CCDC15: variants seen among roughly 807,000 people sequenced by gnomAD.
CCDC15 encodes coiled-coil domain containing 15.
CCDC15 carries 105 observed loss-of-function variants against 114.5 expected under a neutral mutation model. The ratio of observed to expected loss-of-function variants is 0.92; its 90% CI spans 0.78 to 1.08. CCDC15 has a LOEUF of 1.08. Ranked by LOEUF, CCDC15 falls within the 50% of genes least tolerant of loss-of-function variation. The pLI is 0.00. For missense variants in CCDC15, 1,105 were observed against 1,093.6 expected, an observed-to-expected ratio of 1.01 and a Z score of -0.15; for synonymous variants, 334 against 377.8, an observed-to-expected ratio of 0.88 and a Z score of 1.34.
At chr11:124,971,439 T>C (rs999469604) in intron 4 of CCDC15, among the ~76,000 whole-genome samples, 5 of 152,268 alleles carry the variant, frequency 3.3e-5, no homozygotes, top group Non-Finnish European at 5.9e-5. Flanking sequence ...CTTTGATGAG[T>C]TGACAGAAGT....
chr11:125,003,951 A>G lies in CCDC15; in HGVS notation c.2299A>G (p.Lys767Glu), dbSNP rs1220121229. 2 of 1,519,706 alleles carry G rather than the reference A, an allele frequency of 1.3e-6. No homozygotes were observed. The highest frequency in any genetic ancestry group is 2.9e-5 in the African/African-American group (2 of 69,966). 94.1% of individuals were successfully genotyped at this position (1,519,706 alleles called of 1,614,324 possible). Residue 767 changes from lysine (K) to glutamate (E), a missense_variant, in exon 12 of 16, where the codon AAG (lysine) becomes GAG (glutamate). Transcript: ENST00000344762. ...FQSDVDKEED[K>E]KERQKQYLRH... Reference sequence around the variant, plus strand: ...GTCTGACGTGGATAAAGAAGAAGATAAGAAAGAGGTATGTAATGATACTGC... The same window carrying G: ...GTCTGACGTGGATAAAGAAGAAGATGAGAAAGAGGTATGTAATGATACTGC...
chr11:125,011,619 ATTATT>A (rs1394071834), intron 13 of CCDC15, among the ~76,000 whole-genome samples: 1 of 152,170 alleles, frequency 6.6e-6, no homozygotes, highest in Non-Finnish European at 1.5e-5. Flanking sequence ...TATTTATTGG[ATTATT>A]TTAAGTGCTT....
chr11:124,979,879 T>C (rs1477637620), intron 6 of CCDC15, among the ~76,000 whole-genome samples: 3 of 152,200 alleles, frequency 2.0e-5, no homozygotes, highest in Non-Finnish European at 4.4e-5. Context: ...GTTTTGCCTA[T>C]TCAGTATGAT....
intron 13 of CCDC15, among the ~76,000 whole-genome samples, chr11:125,028,325 G>A (rs1460499538): frequency 6.6e-6 from 1 of 152,092 alleles, no homozygotes; most frequent in Non-Finnish European, 1.5e-5. Context: ...GATGGGAATT[G>A]CGTTGAATCT....
chr11:125,005,679 C>T (rs1200408080), intron 13 of CCDC15, among the ~76,000 whole-genome samples: 2 of 152,088 alleles, frequency 1.3e-5, no homozygotes, highest in Admixed American at 1.3e-4. Flanking sequence ...AAAGTGCTTT[C>T]ACTTCCCTAA....
intron 4 of CCDC15, among the ~76,000 whole-genome samples, chr11:124,970,588 G>C (rs1411620429): frequency 6.6e-6 from 1 of 152,150 alleles, no homozygotes; most frequent in Admixed American, 6.5e-5. Flanking sequence ...AGTCCTCCAT[G>C]ATAATAAAGT....
chr11:125,032,604 G>A (rs1565384192), intron 13 of CCDC15, among the ~76,000 whole-genome samples: 1 of 152,202 alleles, frequency 6.6e-6, no homozygotes, highest in East Asian at 1.9e-4. Context: ...CTCCAGGGAT[G>A]CAATATTGTT....
At chr11:124,978,270 CATTTAGGTTG>C (rs1420756897) in intron 6 of CCDC15, among the ~76,000 whole-genome samples, 1 of 152,068 alleles carries the variant, frequency 6.6e-6, no homozygotes. Context: ...TGTTGATGGG[CATTTAGGTTG>C]ATTCTGTGTC....
chr11:124,962,840 A>G (rs1236105119), intron 4 of CCDC15, among the ~76,000 whole-genome samples: 1 of 152,066 alleles, frequency 6.6e-6, no homozygotes. Flanking sequence ...TGATGTTCCC[A>G]ACCCTGTGTC....
chr11:125,040,749 A>T lies in CCDC15; in HGVS notation c.*38A>T, dbSNP rs1436985612. On this transcript the variant is annotated 3_prime_UTR_variant, in exon 16 of 16. Coordinates refer to ENST00000344762, the MANE Select transcript of CCDC15 (RefSeq NM_025004.3). ...ATTAACTGGTAGTATTTTGGCTTTT[A>T]CTTAAAATCATCCCTGAGAGAGTAT... 3.8e-6 allele frequency: 6 copies of T among 1,574,908 alleles called. No individual in the cohort carries two copies. The highest frequency in any genetic ancestry group is 5.2e-6 in the Non-Finnish European group (6 of 1,151,392).
intron 5 of CCDC15, among the ~76,000 whole-genome samples, chr11:124,976,754 A>G (rs553991835): frequency 3.4e-4 from 52 of 152,280 alleles, no homozygotes; most frequent in African/African-American, 1.1e-3. Context: ...ATTATCCAAT[A>G]GACGGGAGGA....
intron 13 of CCDC15, among the ~76,000 whole-genome samples, chr11:125,016,988 G>A (rs929613787): frequency 2.0e-5 from 3 of 152,140 alleles, no homozygotes; most frequent in African/African-American, 4.8e-5. Flanking sequence ...TGTATTGATA[G>A]TTGGCAAATA....
At chr11:125,025,593 G>A (rs760125779) in intron 13 of CCDC15, among the ~76,000 whole-genome samples, 24 of 152,066 alleles carry the variant, frequency 1.6e-4, no homozygotes, top group African/African-American at 5.1e-4. Flanking sequence ...TATTTTCAGT[G>A]TCACTAATAT....
chr11:125,030,240 C>A (rs1242570088), intron 13 of CCDC15, among the ~76,000 whole-genome samples: 1 of 152,138 alleles, frequency 6.6e-6, no homozygotes. Context: ...TGATTCAGAG[C>A]GTACACAGCC....
At chr11:124,995,581 A>G (rs536362120) in intron 11 of CCDC15, among the ~76,000 whole-genome samples, 1 of 152,246 alleles carries the variant, frequency 6.6e-6, no homozygotes, top group African/African-American at 2.4e-5. Flanking sequence ...AGTCCTAAAT[A>G]TCAAAGATAC....
At chr11:125,003,555 C>T (rs1038385166) in intron 11 of CCDC15, among the ~76,000 whole-genome samples, 3 of 151,896 alleles carry the variant, frequency 2.0e-5, no homozygotes, top group Non-Finnish European at 4.4e-5. Flanking sequence ...CTATTCCAAG[C>T]GCACTCATGA....
chr11:125,025,097 A>AATATATATGAATATATATATGAAT (rs1948690610), intron 13 of CCDC15, among the ~76,000 whole-genome samples: 1 of 124,396 alleles, frequency 8.0e-6, no homozygotes, highest in African/African-American at 3.5e-5. Flanking sequence ...TATATATATG[A>AATATATATGAATATATATATGAAT]ATATATATGA....
At chr11:125,023,393 A>G (rs948216092) in intron 13 of CCDC15, among the ~76,000 whole-genome samples, 10 of 152,038 alleles carry the variant, frequency 6.6e-5, no homozygotes, top group African/African-American at 1.7e-4. Context: ...TATAAATCAT[A>G]TATCTGATAA....
chr11:125,008,245 T>C (rs529137887), intron 13 of CCDC15, among the ~76,000 whole-genome samples: 1 of 152,208 alleles, frequency 6.6e-6, no homozygotes, highest in Non-Finnish European at 1.5e-5. Context: ...TCTTATATAT[T>C]TTTTGTTAGA....
Sources: allele counts gnomAD v4.1 joint callset (sites outside exome capture counted in the v4.1 genomes callset), GRCh38; gene constraint gnomAD v4.1.1; transcripts MANE v1.5; gene names NCBI Gene and HGNC (gene_info 2026-07-23, HGNC 2026-07-21).